AK5: variants seen among roughly 807,000 people sequenced by gnomAD.
The protein encoded by AK5 is adenylate kinase isoenzyme 5.
In AK5, 27 loss-of-function variants were observed where a neutral mutation model predicts 69.5. That is an observed-to-expected ratio of 0.39 (90% confidence interval 0.29 to 0.54). The LOEUF is 0.54. AK5 is among the 20% of genes least tolerant of loss of function. The pLI is 0.71. For missense variants in AK5, 531 were observed against 700.4 expected, an observed-to-expected ratio of 0.76 and a Z score of 2.73; for synonymous variants, 260 against 244.4, an observed-to-expected ratio of 1.06 and a Z score of -0.60.
At position 77,558,843 on chromosome 1, in the gene AK5, A is replaced by AATC; in HGVS notation, c.*176_*178dup. On this transcript the variant is annotated 3_prime_UTR_variant, in exon 14 of 14. Transcript: ENST00000354567. ...TAGACCTGTGTGAGAGGTGTCTGGA[A>AATC]ATCATGCATGGTGTATTTGGGACTA... is the stretch of plus-strand genomic sequence containing the variant. The AATC allele has an allele frequency of 1.7e-6, 1 of 601,466 alleles. No homozygotes were observed. Among genetic ancestry groups the AATC allele is most frequent in the East Asian group, 2.8e-5 (1 of 35,176 alleles). 37.3% of individuals were successfully genotyped at this position (601,466 alleles called of 1,614,324 possible).
chr1:77,469,966 A>G (rs1000591270), intron 8 of AK5, among the ~76,000 whole-genome samples: 2 of 152,276 alleles, frequency 1.3e-5, no homozygotes, highest in Middle Eastern at 3.2e-3. Flanking sequence ...TACAGTTGTC[A>G]TTGATCTGCC....
At position 77,556,118 on chromosome 1, in the gene AK5, C is replaced by G. The variant is rs192899285; in HGVS notation, c.1621-2484C>G. Among the ~76,000 whole-genome samples the G allele has an allele frequency of 4.6e-5, 7 of 152,286 alleles. 1 individual carries two copies. The East Asian group carries it at 1.3e-3, about 29-fold the overall frequency. Reference sequence around the variant, plus strand: ...TTTCCTTATTGTGGGCTATATCATACATACAGGAATGCATAAAAGTAGTAT... The same window carrying G: ...TTTCCTTATTGTGGGCTATATCATAGATACAGGAATGCATAAAAGTAGTAT... On this transcript the variant is annotated intron_variant, in intron 13 of 13. Transcript: ENST00000354567.
intron 8 of AK5, among the ~76,000 whole-genome samples, chr1:77,469,754 G>A (rs1293152662): frequency 2.0e-5 from 3 of 152,180 alleles, no homozygotes; most frequent in Non-Finnish European, 4.4e-5. Context: ...CCTAAGGGAG[G>A]AAATGGAAGC....
chr1:77,405,075 T>C (rs531455901), intron 6 of AK5, among the ~76,000 whole-genome samples: 1 of 152,184 alleles, frequency 6.6e-6, no homozygotes, highest in Non-Finnish European at 1.5e-5. Context: ...GGAGAGATCA[T>C]ATGCATGTAT....
intron 12 of AK5, among the ~76,000 whole-genome samples, chr1:77,527,097 A>G (rs1658335588): frequency 6.6e-6 from 1 of 152,206 alleles, no homozygotes; most frequent in Non-Finnish European, 1.5e-5. Flanking sequence ...CCTGTCATTT[A>G]TTATGGAGAT....
chr1:77,335,285 AG>A (rs1162263534), intron 5 of AK5, among the ~76,000 whole-genome samples: 2 of 152,238 alleles, frequency 1.3e-5, no homozygotes, highest in Non-Finnish European at 2.9e-5. Flanking sequence ...TAATGAAAGA[AG>A]AAAAAAAGAC....
At chr1:77,369,782 A>G (rs1210359501) in intron 6 of AK5, among the ~76,000 whole-genome samples, 1 of 152,254 alleles carries the variant, frequency 6.6e-6, no homozygotes, top group Admixed American at 6.5e-5. Flanking sequence ...TTCTAAAGGT[A>G]GGAAACATTT....
rs145323615 is a variant in AK5 at position 77,384,993 on chromosome 1, C to T, written c.892-25988C>T. On this transcript the variant is annotated intron_variant, in intron 6 of 13. Transcript: ENST00000354567. ...TAGATGTAGAACAGTAAGTTTAACT[C>T]TTAAACTCTATTCATCAACAGCCAA... is the stretch of plus-strand genomic sequence containing the variant. Among the ~76,000 whole-genome samples the T allele has an allele frequency of 3.3e-4, 50 of 152,194 alleles. 1 individual carries two copies. The highest frequency in any genetic ancestry group is 1.2e-3 in the African/African-American group (50 of 41,514).
chr1:77,344,784 C>T (rs142963741), intron 6 of AK5, among the ~76,000 whole-genome samples: 29 of 151,404 alleles, frequency 1.9e-4, no homozygotes, highest in African/African-American at 5.3e-4. Flanking sequence ...AGTTCTTTAG[C>T]GGTGATTTCT....
intron 10 of AK5, among the ~76,000 whole-genome samples, chr1:77,490,737 C>T (rs1041155261): frequency 1.3e-5 from 2 of 151,672 alleles, no homozygotes; most frequent in Non-Finnish European, 2.9e-5. Flanking sequence ...TAACAGGTTC[C>T]TACAGTTTTT....
At chr1:77,373,376 A>G (rs1352134914) in intron 6 of AK5, among the ~76,000 whole-genome samples, 2 of 152,226 alleles carry the variant, frequency 1.3e-5, no homozygotes, top group Admixed American at 1.3e-4. Flanking sequence ...AATTGCTTAC[A>G]TATATTAATA....
At position 77,535,895 on chromosome 1, in the gene AK5, A is replaced by G. The variant is rs1658931753; in HGVS notation, c.1477A>G (p.Met493Val). 1 of 1,613,934 alleles carries G rather than the reference A, an allele frequency of 6.2e-7. No individual in the cohort carries two copies. The highest frequency in any genetic ancestry group is 1.1e-5 in the South Asian group (1 of 91,050). ...CTGTATGGACTGCTCGGCAGACACC[A>G]TGACCAACCGCCTTCTCCAAAGGAG... is the stretch of plus-strand genomic sequence containing the variant. Reference protein sequence around the residue: ...VICMDCSADTMTNRLLQRSRS... With the variant: ...VICMDCSADTVTNRLLQRSRS... Residue 493 changes from methionine to valine, a missense_variant, in exon 13 of 14, where the codon ATG becomes GTG. Coordinates refer to ENST00000354567, the MANE Select transcript of AK5 (RefSeq NM_174858.3).
intron 8 of AK5, among the ~76,000 whole-genome samples, chr1:77,442,633 G>A (rs1293720252): frequency 6.6e-6 from 1 of 152,094 alleles, no homozygotes; most frequent in Non-Finnish European, 1.5e-5. Flanking sequence ...GTTATTGTTT[G>A]GATGTACTTC....
chr1:77,509,910 G>C (rs544962663), intron 10 of AK5, among the ~76,000 whole-genome samples: 7 of 152,282 alleles, frequency 4.6e-5, no homozygotes, highest in African/African-American at 1.7e-4. Flanking sequence ...GTTTCACTTT[G>C]CCAGCTACCA....
At chr1:77,409,663 G>A (rs1013240930) in intron 6 of AK5, among the ~76,000 whole-genome samples, 1 of 152,110 alleles carries the variant, frequency 6.6e-6, no homozygotes, top group African/African-American at 2.4e-5. Context: ...TGCATAGTTT[G>A]CAAATATTTT....
intron 1 of AK5, chr1:77,283,683 A>G: frequency 1.1e-6 from 1 of 895,412 alleles, no homozygotes; most frequent in Non-Finnish European, 1.3e-6. Context: ...CCTGCGTGAA[A>G]ATAATTAGGT....
intron 12 of AK5, among the ~76,000 whole-genome samples, chr1:77,522,924 G>A (rs1217860706): frequency 6.6e-6 from 1 of 152,052 alleles, no homozygotes; most frequent in Non-Finnish European, 1.5e-5. Context: ...GATAGGGGAA[G>A]TATTGTCCTC....
chr1:77,409,274 T>C (rs1001907030), intron 6 of AK5, among the ~76,000 whole-genome samples: 1 of 152,234 alleles, frequency 6.6e-6, no homozygotes, highest in Admixed American at 6.5e-5. Flanking sequence ...GCCAGGTATA[T>C]GCCCAGTAAT....
intron 10 of AK5, among the ~76,000 whole-genome samples, chr1:77,489,565 C>T (rs1326459505): frequency 6.6e-6 from 1 of 152,192 alleles, no homozygotes; most frequent in Non-Finnish European, 1.5e-5. Flanking sequence ...TTGATGAGTT[C>T]ACTTTCAGTG....
Sources: gnomAD v4.1 joint callset for allele counts (sites outside exome capture counted in the v4.1 genomes callset) on GRCh38, gnomAD v4.1.1 for gene constraint, MANE v1.5 for transcripts, NCBI Gene and HGNC (gene_info 2026-07-23, HGNC 2026-07-21) for gene names.